Variants in CEP126 observed in about 807,000 individuals in gnomAD.
The protein encoded by CEP126 is centrosomal protein 126.
A neutral mutation model predicts 107.8 loss-of-function variants in CEP126; 74 were observed. The observed-to-expected ratio is 0.69, with a 90% CI of 0.57 to 0.83. The LOEUF is 0.83. Among genes scored for constraint, CEP126 ranks in the 40% least tolerant of loss-of-function variants. CEP126 has a pLI of 0.00. For missense variants in CEP126, 1,237 were observed against 1,281.9 expected (o/e 0.96, Z 0.53); for synonymous variants, 449 against 446.0 (o/e 1.01, Z -0.08).
intron 8 of CEP126, among the ~76,000 whole-genome samples, chr11:101,983,307 A>C (rs1040226575): frequency 6.6e-6 from 1 of 152,208 alleles, no homozygotes; most frequent in Non-Finnish European, 1.5e-5. Context: ...TGGAATGACC[A>C]CAATATATGA....
intron 2 of CEP126, among the ~76,000 whole-genome samples, chr11:101,943,221 C>T (rs552147516): frequency 2.0e-5 from 3 of 151,938 alleles, no homozygotes; most frequent in Admixed American, 6.6e-5. Context: ...ATCTTCTCCC[C>T]CACCTCTGGT....
At chr11:101,915,586 A>C (rs1226985151) in intron 1 of CEP126, among the ~76,000 whole-genome samples, 174 bp downstream of exon 1, 1 of 152,120 alleles carries the variant, frequency 6.6e-6, no homozygotes, top group East Asian at 1.9e-4. Flanking sequence ...AAATTATACC[A>C]TTTTATCTAA....
At chr11:101,940,193 A>G (rs756382822) in intron 2 of CEP126, among the ~76,000 whole-genome samples, 1 of 152,224 alleles carries the variant, frequency 6.6e-6, no homozygotes, top group African/African-American at 2.4e-5. Context: ...TAAAGACGAC[A>G]GTTGCCTAAG....
chr11:101,920,724 G>C (rs1395586726), intron 1 of CEP126, among the ~76,000 whole-genome samples: 1 of 151,518 alleles, frequency 6.6e-6, no homozygotes, highest in Non-Finnish European at 1.5e-5. Context: ...TCCCACATCA[G>C]CCTCCCAAGT....
intron 6 of CEP126, 119 bp downstream of exon 6, chr11:101,963,999 G>A: frequency 1.5e-6 from 1 of 680,334 alleles, no homozygotes; most frequent in South Asian, 2.1e-5. Flanking sequence ...TTAAACAATA[G>A]CTTTATAGAA....
chr11:101,988,956 T>C (rs1368028255), intron 9 of CEP126, among the ~76,000 whole-genome samples: 1 of 152,066 alleles, frequency 6.6e-6, no homozygotes, highest in Non-Finnish European at 1.5e-5. Context: ...TAGAATAGAT[T>C]TTAAAAATCA....
intron 2 of CEP126, among the ~76,000 whole-genome samples, chr11:101,926,190 G>A (rs569575199): frequency 1.3e-5 from 2 of 152,080 alleles, no homozygotes; most frequent in Non-Finnish European, 2.9e-5. Flanking sequence ...CATCACTTAC[G>A]AGATTCTATG....
chr11:101,966,357 T>A (rs1941057245), intron 6 of CEP126, among the ~76,000 whole-genome samples: 1 of 152,174 alleles, frequency 6.6e-6, no homozygotes. Flanking sequence ...TTTGTGGGAT[T>A]TTTTTTCCTA....
In CEP126 at chr11:101,922,650, A is replaced by T. The variant is rs1940347215; in HGVS notation, c.138A>T (p.Lys46Asn). 7 of 1,606,042 alleles carry T rather than the reference A, an allele frequency of 4.4e-6. No individual in the cohort carries two copies. Among genetic ancestry groups the T allele is most frequent in the Non-Finnish European group, 5.1e-6 (6 of 1,173,128 alleles). Residue 46 changes from lysine to asparagine, a missense_variant, in exon 2 of 11, where the codon AAA (lysine) becomes AAT (asparagine). Transcript: ENST00000263468. ...HHRPGSYLDM[K>N]IHLEKNLEEE... ...TTAATGCTATCATTAGAGATATGAA[A>T]ATCCATCTGGAGAAAAATTTAGAAG...
chr11:101,981,975 G>GT lies in CEP126; in HGVS notation c.3034+14dup, dbSNP rs1941260796. 1 of 1,422,886 alleles carries GT rather than the reference G, an allele frequency of 7.0e-7. No homozygotes were observed. Among genetic ancestry groups the GT allele is most frequent in the Admixed American group, 2.1e-5 (1 of 47,504 alleles). The allele number at this position is 1,422,886 out of a possible 1,614,324, so 88.1% of individuals were successfully genotyped here. A position where few individuals can be genotyped will look rare whatever the true frequency, so the allele number is the denominator to read the frequency against. On this transcript the variant is annotated intron_variant, in intron 8 of 10. Coordinates refer to ENST00000263468, the MANE Select transcript of CEP126 (RefSeq NM_020802.4). ...CTTATATTGAAGAAGGTATGTTTTA[G>GT]TTTAAACATTTTTCTCTGATCTTTG...
chr11:101,937,471 CAA>C lies in CEP126; in HGVS notation c.249-6791_249-6790del, dbSNP rs200869195. 4.8e-3 allele frequency among the ~76,000 whole-genome samples: 736 copies of C among 152,274 alleles called. 8 individuals carry two copies. Among genetic ancestry groups the C allele is most frequent in the African/African-American group, 0.016 (676 of 41,562 alleles). ...GACTTTCAGTCTTCATGTCAGTACT[CAA>C]AAGTTTCAAATTTTGTAGCATTTCA... On this transcript the variant is annotated intron_variant, in intron 2 of 10. Transcript: ENST00000263468.
At chr11:101,975,130 T>A (rs1165296813) in intron 6 of CEP126, among the ~76,000 whole-genome samples, 1 of 152,178 alleles carries the variant, frequency 6.6e-6, no homozygotes. Context: ...CAAAATTATC[T>A]TGGTGGAAAC....
At chr11:101,982,633 G>A (rs1191919005) in intron 8 of CEP126, among the ~76,000 whole-genome samples, 3 of 151,976 alleles carry the variant, frequency 2.0e-5, no homozygotes, top group Non-Finnish European at 4.4e-5. Flanking sequence ...AGTTGAAGAT[G>A]TTTCATTACT....
intron 6 of CEP126, among the ~76,000 whole-genome samples, chr11:101,974,437 A>G (rs1457463768): frequency 6.6e-6 from 1 of 152,172 alleles, no homozygotes; most frequent in Non-Finnish European, 1.5e-5. Flanking sequence ...AACTGAAATG[A>G]AAGGGTAAAA....
At chr11:101,973,400 G>C (rs1451191407) in intron 6 of CEP126, among the ~76,000 whole-genome samples, 5 of 152,126 alleles carry the variant, frequency 3.3e-5, no homozygotes, top group African/African-American at 1.2e-4. Context: ...ATTATCCTCA[G>C]CAAACTAACA....
At chr11:101,972,542 C>T (rs534163569) in intron 6 of CEP126, among the ~76,000 whole-genome samples, 22 of 151,932 alleles carry the variant, frequency 1.4e-4, no homozygotes, top group Non-Finnish European at 2.9e-4. Flanking sequence ...GTGGCTCACA[C>T]CTGTAATGCC....
chr11:101,992,153 T>TA (rs200581214), intron 9 of CEP126, among the ~76,000 whole-genome samples: 8,818 of 127,564 alleles, frequency 0.069, 464 homozygotes, highest in East Asian at 0.35. Flanking sequence ...AAACTATTTT[T>TA]AAAAAAAAAT....
chr11:101,964,195 C>T lies in CEP126; in HGVS notation c.2845+315C>T, dbSNP rs375892695. ...GTGCGTGCCTATAGTCCCAGCTACT[C>T]GGGAGGCTAAGGAAGAAGAATTGCT... On this transcript the variant is annotated intron_variant, in intron 6 of 10. Coordinates refer to ENST00000263468, the MANE Select transcript of CEP126 (RefSeq NM_020802.4). Among the ~76,000 whole-genome samples the T allele has an allele frequency of 3.8e-3, 564 of 148,404 alleles. 4 individuals carry two copies. The highest frequency in any genetic ancestry group is 0.013 in the African/African-American group (537 of 40,162).
intron 2 of CEP126, among the ~76,000 whole-genome samples, chr11:101,943,980 C>T (rs1427865434): frequency 6.6e-6 from 1 of 152,088 alleles, no homozygotes; most frequent in Non-Finnish European, 1.5e-5. Flanking sequence ...TTTTCCACAG[C>T]ACAGTTTGCG....
Sources: gnomAD v4.1 joint callset for allele counts (sites outside exome capture counted in the v4.1 genomes callset) on GRCh38, gnomAD v4.1.1 for gene constraint, MANE v1.5 for transcripts, NCBI Gene and HGNC (gene_info 2026-07-23, HGNC 2026-07-21) for gene names.